Variants in PLD5 observed in about 807,000 individuals in gnomAD.
The protein encoded by PLD5 is phospholipase D family member 5, also known as inactive phospholipase D5.
A neutral mutation model predicts 61.1 loss-of-function variants in PLD5; 36 were observed. The ratio of observed to expected loss-of-function variants is 0.59; its 90% CI spans 0.45 to 0.78. The LOEUF is 0.78. Ranked by LOEUF, PLD5 falls within the 30% of genes least tolerant of loss-of-function variation. The pLI is 0.00. For synonymous variants in PLD5, 243 were observed against 242.8 expected, an observed-to-expected ratio of 1.00 and a Z score of -0.01; for missense variants, 515 against 644.4, an observed-to-expected ratio of 0.80 and a Z score of 2.17.
At chr1:242,326,875 T>G (rs2149195674) in intron 2 of PLD5, among the ~76,000 whole-genome samples, 1 of 152,030 alleles carries the variant, frequency 6.6e-6, no homozygotes, top group East Asian at 1.9e-4. Flanking sequence ...TCTGCCTTTT[T>G]TTTTTTCCGA....
intron 8 of PLD5, among the ~76,000 whole-genome samples, chr1:242,105,901 T>C (rs1661018750): frequency 6.6e-6 from 1 of 152,218 alleles, no homozygotes. Flanking sequence ...GACATGGCTA[T>C]GGATACATGG....
At chr1:242,232,514 A>ATT (rs553638400) in intron 4 of PLD5, among the ~76,000 whole-genome samples, 1 of 149,530 alleles carries the variant, frequency 6.7e-6, no homozygotes, top group African/African-American at 2.5e-5. Flanking sequence ...TATGTGCTGC[A>ATT]TTTTTTTTTT....
In PLD5 at chr1:242,481,381, G is replaced by C. The variant is rs973078696; in HGVS notation, c.189+42707C>G. On this transcript the variant is annotated intron_variant, in intron 1 of 9. Transcript: ENST00000536534. ...CACCTTAATACTGCACTTTTCCAAC[G>C]GTCTTAGCAAACGGCACACCAGGAG... 2.0e-5 allele frequency among the ~76,000 whole-genome samples: 3 copies of C among 152,314 alleles called. No individual in the cohort carries two copies. In the South Asian group the frequency reaches 6.2e-4, roughly 32 times the overall value.
In PLD5 at chr1:242,336,334, G is replaced by A. The variant is rs188311888; in HGVS notation, c.326+11772C>T. On this transcript the variant is annotated intron_variant, in intron 2 of 9. Transcript: ENST00000536534. ...AGATATTCTACTACCTAGGCTAAAC[G>A]TGTTCCAGGATCGATAAAGATCTCC... Among the ~76,000 whole-genome samples the A allele has an allele frequency of 5.0e-3, 764 of 152,190 alleles. 2 individuals carry two copies. Among genetic ancestry groups the A allele is most frequent in the Non-Finnish European group, 7.5e-3 (513 of 67,998 alleles).
intron 5 of PLD5, among the ~76,000 whole-genome samples, chr1:242,153,199 GTT>G (rs573914173): frequency 6.7e-6 from 1 of 149,230 alleles, no homozygotes; most frequent in East Asian, 2.0e-4. Context: ...CTTTTTGATG[GTT>G]TTTTTTTCTT....
chr1:242,179,576 A>G (rs1667385455), intron 5 of PLD5, among the ~76,000 whole-genome samples: 1 of 152,078 alleles, frequency 6.6e-6, no homozygotes, highest in South Asian at 2.1e-4. Context: ...GTGGTTTCTA[A>G]CCAGAGATCA....
intron 1 of PLD5, chr1:242,377,489 G>A: frequency 1.5e-6 from 1 of 660,156 alleles, no homozygotes; most frequent in South Asian, 1.9e-5. Context: ...AGTAAACACA[G>A]CTTCTTCCAA....
intron 5 of PLD5, among the ~76,000 whole-genome samples, chr1:242,170,948 A>T (rs316886): frequency 0.51 from 78,036 of 151,986 alleles, 20,915 homozygotes; most frequent in East Asian, 0.73. Flanking sequence ...GGAGAATGGA[A>T]CCAAGCTGGA....
At chr1:242,220,956 C>T (rs12041798) in intron 4 of PLD5, among the ~76,000 whole-genome samples, 32,642 of 151,820 alleles carry the variant, frequency 0.22, 3,787 homozygotes, top group East Asian at 0.37. Context: ...AGGCTGGTCT[C>T]GAATTCCTGA....
At chr1:242,264,892 T>A (rs11591165) in intron 4 of PLD5, among the ~76,000 whole-genome samples, 38,070 of 152,072 alleles carry the variant, frequency 0.25, 5,627 homozygotes, top group Non-Finnish European at 0.33. Flanking sequence ...GAATTGTCTT[T>A]AAACTCATGA....
At chr1:242,170,720 A>T (rs55805150) in intron 5 of PLD5, among the ~76,000 whole-genome samples, 18,852 of 152,254 alleles carry the variant, frequency 0.12, 1,457 homozygotes, top group Middle Eastern at 0.18. Flanking sequence ...AAATGACCCG[A>T]TGGAGCTGAA....
intron 4 of PLD5, among the ~76,000 whole-genome samples, chr1:242,226,761 G>A (rs1481519875): frequency 6.6e-6 from 1 of 152,174 alleles, no homozygotes; most frequent in Non-Finnish European, 1.5e-5. Flanking sequence ...TAACAGAGAC[G>A]CTTCATTGAA....
At chr1:242,456,485 G>T (rs945711069) in intron 1 of PLD5, among the ~76,000 whole-genome samples, 1 of 152,138 alleles carries the variant, frequency 6.6e-6, no homozygotes, top group Admixed American at 6.6e-5. Context: ...ACTCTAAAAA[G>T]AAAATAAAAT....
chr1:242,144,855 G>A (rs2148800556), intron 5 of PLD5, among the ~76,000 whole-genome samples: 1 of 152,242 alleles, frequency 6.6e-6, no homozygotes, highest in Middle Eastern at 3.4e-3. Flanking sequence ...GGTGGCTTGA[G>A]TGAACAATGG....
chr1:242,306,494 T>C (rs544782004), intron 2 of PLD5, among the ~76,000 whole-genome samples: 28 of 152,110 alleles, frequency 1.8e-4, no homozygotes, highest in African/African-American at 6.7e-4. Context: ...AGAGATCAAG[T>C]TGTGAAACTG....
intron 1 of PLD5, among the ~76,000 whole-genome samples, chr1:242,397,550 G>A (rs981397180): frequency 4.0e-5 from 6 of 151,892 alleles, no homozygotes; most frequent in Admixed American, 3.9e-4. Context: ...AAGGCTCAAC[G>A]CATGCAAAAC....
intron 3 of PLD5, among the ~76,000 whole-genome samples, chr1:242,267,807 G>A (rs1381592868): frequency 1.3e-5 from 2 of 151,052 alleles, no homozygotes; most frequent in Non-Finnish European, 3.0e-5. Context: ...CTTGAGCCTG[G>A]GAGTCTAAGG....
intron 2 of PLD5, among the ~76,000 whole-genome samples, chr1:242,345,878 C>A (rs1660099868): frequency 6.6e-6 from 1 of 151,446 alleles, no homozygotes; most frequent in Non-Finnish European, 1.5e-5. Flanking sequence ...TTAGGGGAAG[C>A]AAGATACCAG....
chr1:242,308,181 C>G (rs1484399642), intron 2 of PLD5, among the ~76,000 whole-genome samples: 2 of 152,036 alleles, frequency 1.3e-5, no homozygotes, highest in African/African-American at 4.8e-5. Flanking sequence ...GCTTCTGATT[C>G]ACTTCCAATC....
Sources: allele counts gnomAD v4.1 joint callset (sites outside exome capture counted in the v4.1 genomes callset), GRCh38; gene constraint gnomAD v4.1.1; transcripts MANE v1.5; gene names NCBI Gene and HGNC (gene_info 2026-07-23, HGNC 2026-07-21).